The following LZTS1 variants were observed in gnomAD, a reference collection of about 807,000 sequenced individuals.
LZTS1 encodes leucine zipper putative tumor suppressor 1.
LZTS1 carries 31 observed loss-of-function variants against 45.8 expected under a neutral mutation model. That is an observed-to-expected ratio of 0.68 (90% CI 0.51 to 0.91). The LOEUF (loss-of-function observed/expected upper bound fraction) is 0.91, where lower values mean the gene tolerates loss of function less well. LZTS1 is among the 40% of genes least tolerant of loss of function. The pLI is 0.00. For synonymous variants in LZTS1, 359 were observed against 357.3 expected (o/e 1.00, Z -0.05); for missense variants, 821 against 788.9 (o/e 1.04, Z -0.49).
chr8:20,269,410 G>T (rs535648513), intron 1 of LZTS1, among the ~76,000 whole-genome samples: 1 of 152,226 alleles, frequency 6.6e-6, no homozygotes, highest in East Asian at 1.9e-4. Context: ...CCAGCATGTT[G>T]GGGGCAGATG....
Position 20,263,015 on chromosome 8 carries a change from AAAG to A in LZTS1, c.-134-7703_-134-7701del, listed in dbSNP as rs1585285330. On this transcript the variant is annotated intron_variant, in intron 1 of 3. Coordinates refer to ENST00000381569, the MANE Select transcript of LZTS1 (RefSeq NM_021020.5). The stretch of plus-strand genomic sequence containing the variant: ...CCACATGACTTCAGTAGGGAGAGGA[AAAG>A]AAGTAGGAGCTTAGAAACTATTTTG... Among the ~76,000 whole-genome samples the A allele has an allele frequency of 2.0e-5, 3 of 152,330 alleles. No homozygotes were observed. The South Asian group carries it at 6.2e-4, about 32-fold the overall frequency.
chr8:20,259,037 T>C (rs1292239765), intron 1 of LZTS1, among the ~76,000 whole-genome samples: 1 of 152,140 alleles, frequency 6.6e-6, no homozygotes, highest in Non-Finnish European at 1.5e-5. Context: ...CTGGTCCACA[T>C]GCAGGGGTGT....
At chr8:20,259,539 G>T (rs1233997204) in intron 1 of LZTS1, among the ~76,000 whole-genome samples, 1 of 152,042 alleles carries the variant, frequency 6.6e-6, no homozygotes, top group Non-Finnish European at 1.5e-5. Flanking sequence ...CTTCCTAATG[G>T]GAACCCTTCC....
Position 20,283,518 on chromosome 8 carries a change from C to T in LZTS1, c.-135+20222G>A, listed in dbSNP as rs1401984756. Among the ~76,000 whole-genome samples, 12 of 152,204 alleles carry T rather than the reference C, an allele frequency of 7.9e-5. 1 individual carries two copies. The highest frequency in any genetic ancestry group is 5.2e-4 in the Admixed American group (8 of 15,290). On this transcript the variant is annotated intron_variant, in intron 1 of 3. Coordinates refer to ENST00000381569, the MANE Select transcript of LZTS1 (RefSeq NM_021020.5). ...CTCGTTCATGGTATTTTTTTATAGC[C>T]GCCCGAACAGACTGGAGTCTGTTCT...
At chr8:20,281,434 A>C (rs1374233900) in intron 1 of LZTS1, among the ~76,000 whole-genome samples, 1 of 151,442 alleles carries the variant, frequency 6.6e-6, no homozygotes, top group Non-Finnish European at 1.5e-5. Context: ...TTAGCTGCGC[A>C]TTGTGGTGGG....
At chr8:20,285,066 C>T (rs114989443) in intron 1 of LZTS1, among the ~76,000 whole-genome samples, 4,493 of 152,334 alleles carry the variant, frequency 0.029, 208 homozygotes, top group African/African-American at 0.098. Context: ...CTCATAGGCA[C>T]ACAGTGAGGA....
In LZTS1 at chr8:20,253,019, G is replaced by A. The variant is rs1430325591; in HGVS notation, c.912C>T (p.Asp304=). Residue 304 remains aspartate, a synonymous_variant, in exon 3 of 4, where the codon GAC becomes GAT. Coordinates refer to ENST00000381569, the MANE Select transcript of LZTS1 (RefSeq NM_021020.5). ...AYEERPRRCR[D]ELEGPEPKGG... is the part of the protein sequence containing the mutation. ...CTTTGGGCTCCGGGCCCTCCAGCTCGTCCCTGCAGCGCCGCGGCCGCTCCT... is the reference window on the plus strand; with the variant it reads ...CTTTGGGCTCCGGGCCCTCCAGCTCATCCCTGCAGCGCCGCGGCCGCTCCT... The A allele has an allele frequency of 6.9e-6, 11 of 1,597,046 alleles. No homozygotes were observed. Among genetic ancestry groups the A allele is most frequent in the Admixed American group, 5.1e-5 (3 of 59,218 alleles).
intron 1 of LZTS1, among the ~76,000 whole-genome samples, chr8:20,280,294 G>A (rs188066745): frequency 6.6e-6 from 1 of 152,170 alleles, no homozygotes; most frequent in Admixed American, 6.5e-5. Flanking sequence ...GAAGGACTTT[G>A]GCTCTTCCCG....
chr8:20,249,030 A>ACAGGGGCTGGGCCC lies in LZTS1; in HGVS notation c.*678_*691dup, dbSNP rs1234946858. The ACAGGGGCTGGGCCC allele has an allele frequency of 1.5e-4, 23 of 153,110 alleles. 1 individual carries two copies. Among genetic ancestry groups the ACAGGGGCTGGGCCC allele is most frequent in the African/African-American group, 5.1e-4 (21 of 41,390 alleles). 9.5% of individuals were successfully genotyped at this position (153,110 alleles called of 1,614,324 possible). On this transcript the variant is annotated 3_prime_UTR_variant, in exon 4 of 4. Coordinates refer to ENST00000381569, the MANE Select transcript of LZTS1 (RefSeq NM_021020.5). ...AGCTCCCATTTGCAAGAACCAGTAA[A>ACAGGGGCTGGGCCC]CAGGGGCTGGGCCCCAGGGGCTGGC...
intron 1 of LZTS1, among the ~76,000 whole-genome samples, chr8:20,284,898 C>G (rs1800760632): frequency 6.6e-6 from 1 of 152,164 alleles, no homozygotes; most frequent in Non-Finnish European, 1.5e-5. Flanking sequence ...ATCCGATAGT[C>G]TTAGAAAACC....
At chr8:20,275,186 GAGGTC>G (rs1800554298) in intron 1 of LZTS1, among the ~76,000 whole-genome samples, 1 of 152,122 alleles carries the variant, frequency 6.6e-6, no homozygotes, top group African/African-American at 2.4e-5. Context: ...TGGATCACCT[GAGGTC>G]AGGAATTCGA....
chr8:20,276,827 C>T (rs927350673), intron 1 of LZTS1, among the ~76,000 whole-genome samples: 1 of 152,142 alleles, frequency 6.6e-6, no homozygotes, highest in Non-Finnish European at 1.5e-5. Context: ...GGGAAAACCC[C>T]ACATATGTGG....
chr8:20,260,584 G>T (rs1400444456), intron 1 of LZTS1, among the ~76,000 whole-genome samples: 1 of 152,188 alleles, frequency 6.6e-6, no homozygotes, highest in Non-Finnish European at 1.5e-5. Flanking sequence ...GAGCTTCCTG[G>T]GTTAGGGAAG....
intron 1 of LZTS1, chr8:20,289,966 A>T (rs190294269): frequency 6.6e-6 from 1 of 152,242 alleles, no homozygotes; most frequent in Non-Finnish European, 1.5e-5. Context: ...CCTGGGGGGA[A>T]GTCCCATGGC....
chr8:20,246,589 G>C lies in LZTS1; in HGVS notation c.*3133C>G, dbSNP rs549497254. 1 of 152,580 alleles carries C rather than the reference G, an allele frequency of 6.6e-6. No homozygotes were observed. The highest frequency in any genetic ancestry group is 1.5e-5 in the Non-Finnish European group (1 of 68,204). 9.5% of individuals were successfully genotyped at this position (152,580 alleles called of 1,614,324 possible). On this transcript the variant is annotated 3_prime_UTR_variant, in exon 4 of 4. Coordinates refer to ENST00000381569, the MANE Select transcript of LZTS1 (RefSeq NM_021020.5). The stretch of plus-strand genomic sequence containing the variant: ...AAGAGATGGCCCAGGCTGGGGCCAG[G>C]CACAGGAGGCTCACTGAGTGCCTCT...
Position 20,250,024 on chromosome 8 carries a change from C to CGT in LZTS1, c.1487_1488dup (p.Val497ThrfsTer44). 6.2e-7 allele frequency: 1 copy of CGT among 1,611,510 alleles called. No homozygotes were observed. Among genetic ancestry groups the CGT allele is most frequent in the Non-Finnish European group, 8.5e-7 (1 of 1,179,390 alleles). On this transcript the variant is annotated frameshift_variant, in exon 4 of 4. Transcript: ENST00000381569. LOFTEE classifies it high-confidence loss of function. ...TCCAGCTCCCGCTGCAGGGCAGGGA[C>CGT]GTCCTCGGGGAAGGTGGGCGGCCCC...
chr8:20,303,750 C>T lies in LZTS1; in HGVS notation c.-145G>A, dbSNP rs1016024561. The T allele has an allele frequency of 5.1e-5, 50 of 985,266 alleles. No homozygotes were observed. The highest frequency in any genetic ancestry group is 5.9e-5 in the Non-Finnish European group (49 of 830,142). 61.0% of individuals were successfully genotyped at this position (985,266 alleles called of 1,614,324 possible). ...GCCACCGCACCTTACCTGCCCCCTG[C>T]GCCTCGGGCGCACTTGAGACTTTTT... On this transcript the variant is annotated 5_prime_UTR_variant, in exon 1 of 4. Transcript: ENST00000381569.
In LZTS1 at chr8:20,254,285, G is replaced by A. The variant is rs568703756; in HGVS notation, c.345+552C>T. 5.3e-5 allele frequency among the ~76,000 whole-genome samples: 8 copies of A among 152,286 alleles called. No homozygotes were observed. In the East Asian group the frequency reaches 7.7e-4, roughly 15 times the overall value. Reference sequence around the variant, plus strand: ...TGAGGGCTGGATTTCTCAGTGCCTGGGCCTCCTTTGCCCTAATCTCTGGTA... The same window carrying A: ...TGAGGGCTGGATTTCTCAGTGCCTGAGCCTCCTTTGCCCTAATCTCTGGTA... On this transcript the variant is annotated intron_variant, in intron 2 of 3. Coordinates refer to ENST00000381569, the MANE Select transcript of LZTS1 (RefSeq NM_021020.5).
chr8:20,249,383 G>T lies in LZTS1; in HGVS notation c.*339C>A, dbSNP rs1388939360. 7.7e-6 allele frequency: 2 copies of T among 260,392 alleles called. No homozygotes were observed. The highest frequency in any genetic ancestry group is 4.9e-5 in the Admixed American group (1 of 20,518). The allele number at this position is 260,392 out of a possible 1,614,324, so 16.1% of individuals were successfully genotyped here. A position where few individuals can be genotyped will look rare whatever the true frequency, so the allele number is the denominator to read the frequency against. Reference sequence around the variant, plus strand: ...GAAGCAGAGGGGAGCCGCTGTACTTGCTGTGGCCACCTTCCCTGGAGGAGG... The same window carrying T: ...GAAGCAGAGGGGAGCCGCTGTACTTTCTGTGGCCACCTTCCCTGGAGGAGG... On this transcript the variant is annotated 3_prime_UTR_variant, in exon 4 of 4. Transcript: ENST00000381569.
Sources: allele counts gnomAD v4.1 joint callset (sites outside exome capture counted in the v4.1 genomes callset), GRCh38; gene constraint gnomAD v4.1.1; transcripts MANE v1.5; gene names NCBI Gene and HGNC (gene_info 2026-07-23, HGNC 2026-07-21).